Variants in ADAM22 observed in about 807,000 individuals in gnomAD.
The protein encoded by ADAM22 is ADAM metallopeptidase domain 22, also known as disintegrin and metalloproteinase domain-containing protein 22.
ADAM22 carries 65 observed loss-of-function variants against 144.6 expected under a neutral mutation model. The ratio of observed to expected loss-of-function variants is 0.45; its 90% CI spans 0.37 to 0.55. The LOEUF (loss-of-function observed/expected upper bound fraction) is 0.55. ADAM22 is among the 20% of genes least tolerant of loss of function. The pLI, the probability that ADAM22 is intolerant of heterozygous loss-of-function variation, is 0.00. For synonymous variants in ADAM22, 391 were observed against 412.6 expected (o/e 0.95, Z 0.63); for missense variants, 974 against 1,184.9 (o/e 0.82, Z 2.61).
chr7:87,991,557 G>A (rs956813632), intron 3 of ADAM22, among the ~76,000 whole-genome samples: 5 of 151,610 alleles, frequency 3.3e-5, no homozygotes, highest in East Asian at 1.9e-4. Flanking sequence ...TAGTAGAGAC[G>A]GGGTTTCACC....
chr7:88,020,112 T>C (rs1039717460), intron 3 of ADAM22, among the ~76,000 whole-genome samples: 2 of 152,166 alleles, frequency 1.3e-5, no homozygotes, highest in African/African-American at 2.4e-5. Flanking sequence ...TTTGCTGATA[T>C]ACCTGTGACC....
At chr7:87,976,765 C>T (rs1851979722) in intron 2 of ADAM22, among the ~76,000 whole-genome samples, 1 of 151,968 alleles carries the variant, frequency 6.6e-6, no homozygotes. Flanking sequence ...GAAGAGAGAA[C>T]TGAGTGTAGG....
At chr7:88,039,464 A>ATATATATATATATATATATATATATAT (rs1554420478) in intron 3 of ADAM22, among the ~76,000 whole-genome samples, 2 of 76,376 alleles carry the variant, frequency 2.6e-5, no homozygotes, top group African/African-American at 9.5e-5. Context: ...AAAAAAAAAA[A>ATATATATATATATATATATATATATAT]ATATATATAT....
intron 3 of ADAM22, among the ~76,000 whole-genome samples, chr7:88,074,491 A>G (rs757417790): frequency 1.3e-5 from 2 of 152,238 alleles, no homozygotes; most frequent in African/African-American, 2.4e-5. Flanking sequence ...GCAAATTTAT[A>G]TTATGCTAGA....
chr7:88,068,812 A>G (rs948855209), intron 3 of ADAM22, among the ~76,000 whole-genome samples: 1 of 152,052 alleles, frequency 6.6e-6, no homozygotes, highest in African/African-American at 2.4e-5. Context: ...TGGTCTTTTT[A>G]TGTGATTGCT....
Position 88,128,591 on chromosome 7 carries a change from C to T in ADAM22, c.679-11C>T. 1 of 1,607,450 alleles carries T rather than the reference C, an allele frequency of 6.2e-7. No individual in the cohort carries two copies. Among genetic ancestry groups the T allele is most frequent in the Non-Finnish European group, 8.5e-7 (1 of 1,174,420 alleles). ...GCTGAATTAGGTGCTGTTTCCTTTC[C>T]TGTGTTACAGCTTCGTCGATATCCT... On this transcript the variant is annotated splice_polypyrimidine_tract_variant and intron_variant, in intron 8 of 31. Transcript: ENST00000413139.
chr7:88,081,358 T>C lies in ADAM22; in HGVS notation c.390+5666T>C, dbSNP rs192356181. On this transcript the variant is annotated intron_variant, in intron 4 of 31. Transcript: ENST00000413139. ...ACGTATCTCAAAATAATAAGAGCTA[T>C]CTATAACAAACCCACAGCCAATATC... Among the ~76,000 whole-genome samples the C allele has an allele frequency of 1.0e-3, 154 of 152,252 alleles. 4 individuals are homozygous for C. In the East Asian group the frequency reaches 0.026, roughly 26 times the overall value.
At chr7:88,113,703 A>AATGTGTGTGTATATATAT (rs1554478727) in intron 5 of ADAM22, among the ~76,000 whole-genome samples, 1 of 48,106 alleles carries the variant, frequency 2.1e-5, no homozygotes, top group African/African-American at 8.0e-5. Context: ...TAAATAAATA[A>AATGTGTGTGTATATATAT]ATATATATAT....
At chr7:88,146,745 G>C (rs989294704) in intron 17 of ADAM22, among the ~76,000 whole-genome samples, 32 of 152,152 alleles carry the variant, frequency 2.1e-4, no homozygotes, top group African/African-American at 7.7e-4. Flanking sequence ...CCTCTATACA[G>C]GCTCACTTAG....
chr7:88,052,481 CAG>C (rs1033213677), intron 3 of ADAM22, among the ~76,000 whole-genome samples: 1 of 151,294 alleles, frequency 6.6e-6, no homozygotes, highest in African/African-American at 2.4e-5. Flanking sequence ...TCCTGGGTGA[CAG>C]AGCGAAACTG....
At chr7:88,133,491 A>G (rs558124515) in intron 12 of ADAM22, among the ~76,000 whole-genome samples, 1 of 152,226 alleles carries the variant, frequency 6.6e-6, no homozygotes, top group East Asian at 1.9e-4. Flanking sequence ...GATAATTATT[A>G]TATATTCATG....
intron 25 of ADAM22, 88 bp from the exon 26 acceptor site, chr7:88,171,456 C>G (rs991313174): frequency 2.5e-6 from 3 of 1,216,938 alleles, no homozygotes. Context: ...AAAGCTAGAG[C>G]TTTTATGTTT....
intron 17 of ADAM22, 44 bp downstream of exon 17, chr7:88,145,551 CT>C (rs1836137766): frequency 1.4e-6 from 2 of 1,461,624 alleles, no homozygotes. Context: ...AAAGGACATA[CT>C]TGATTAAATC....
chr7:88,169,898 T>C (rs1044519575), intron 25 of ADAM22, among the ~76,000 whole-genome samples: 1 of 152,108 alleles, frequency 6.6e-6, no homozygotes, highest in African/African-American at 2.4e-5. Context: ...CCTTCTGGAG[T>C]GTGTGATTTT....
rs1276593453 is a variant in ADAM22 at position 88,165,901 on chromosome 7, C to A, written c.2146C>A (p.Pro716Thr). 3 of 1,611,592 alleles carry A rather than the reference C, an allele frequency of 1.9e-6. No homozygotes were observed. The South Asian group carries it at 3.3e-5, about 18-fold the overall frequency. ...WIGSDCNTYFPHNDDAKTGIT... is the reference protein window; with the variant it reads ...WIGSDCNTYFTHNDDAKTGIT... The stretch of plus-strand genomic sequence containing the variant: ...AGGTTCTGATTGCAACACTTACTTC[C>A]CTCACAATGATGATGCAAAGACTGG... Residue 716 changes from proline to threonine, a missense_variant, in exon 24 of 32, where the codon CCT becomes ACT. Transcript: ENST00000413139.
At chr7:88,150,719 G>T (rs1406581135) in intron 18 of ADAM22, among the ~76,000 whole-genome samples, 1 of 152,010 alleles carries the variant, frequency 6.6e-6, no homozygotes, top group Non-Finnish European at 1.5e-5. Context: ...TTTGCCTCTG[G>T]TAGATTCATA....
chr7:88,176,058 C>T (rs983772491), intron 26 of ADAM22, among the ~76,000 whole-genome samples: 5 of 151,810 alleles, frequency 3.3e-5, no homozygotes, highest in Admixed American at 2.0e-4. Flanking sequence ...CTGCAACCTC[C>T]GCCTCCCAGG....
intron 8 of ADAM22, among the ~76,000 whole-genome samples, chr7:88,126,174 T>G (rs1418408544): frequency 3.3e-5 from 5 of 152,040 alleles, no homozygotes; most frequent in Admixed American, 2.6e-4. Flanking sequence ...ACTGTTGATA[T>G]GACGCTTTAA....
intron 3 of ADAM22, among the ~76,000 whole-genome samples, chr7:87,987,587 T>C (rs1396349941): frequency 6.6e-6 from 1 of 152,202 alleles, no homozygotes; most frequent in Non-Finnish European, 1.5e-5. Flanking sequence ...CAGACATATT[T>C]AATGTAATTT....
Sources: allele counts gnomAD v4.1 joint callset (sites outside exome capture counted in the v4.1 genomes callset), GRCh38; gene constraint gnomAD v4.1.1; transcripts MANE v1.5; gene names NCBI Gene and HGNC (gene_info 2026-07-23, HGNC 2026-07-21).